The following HDAC9 variants were observed in gnomAD, a reference collection of about 807,000 sequenced individuals.
HDAC9 encodes the protein histone deacetylase 9, also known as MEF-2 interacting transcription repressor (MITR) protein.
A neutral mutation model predicts 139.4 loss-of-function variants in HDAC9; 41 were observed. That is an observed-to-expected ratio of 0.29 (90% CI 0.23 to 0.38). The LOEUF is 0.38. HDAC9 is among the 10% of genes least tolerant of loss of function. The pLI, the probability that HDAC9 is intolerant of heterozygous loss-of-function variation, is 1.00. For synonymous variants in HDAC9, 517 were observed against 476.2 expected, an observed-to-expected ratio of 1.09 and a Z score of -1.12; for missense variants, 1,147 against 1,297.0, an observed-to-expected ratio of 0.88 and a Z score of 1.78.
chr7:18,212,446 A>G (rs1314906417), intron 2 of HDAC9, among the ~76,000 whole-genome samples: 2 of 152,210 alleles, frequency 1.3e-5, no homozygotes, highest in East Asian at 3.8e-4. Flanking sequence ...TGTAGCCAGA[A>G]AATACGGGTG....
At chr7:18,508,240 G>A (rs541356076) in intron 2 of HDAC9, among the ~76,000 whole-genome samples, 1 of 152,198 alleles carries the variant, frequency 6.6e-6, no homozygotes, top group African/African-American at 2.4e-5. Flanking sequence ...GGTAGCTAGG[G>A]TAGTTAAGTG....
chr7:18,189,182 T>G (rs994928110), intron 2 of HDAC9, among the ~76,000 whole-genome samples: 6 of 152,188 alleles, frequency 3.9e-5, no homozygotes, highest in African/African-American at 1.2e-4. Context: ...AATGAGATCA[T>G]GTCCTTTGCA....
rs566433696 is a variant in HDAC9, at chr7:18,582,250, G to A, written c.23-3031G>A. On this transcript the variant is annotated intron_variant, in intron 2 of 25. Coordinates refer to ENST00000686413, the MANE Select transcript of HDAC9 (RefSeq NM_178425.4). ...AGTTACTTATAGTAATAGAGCATTA[G>A]ATGCAATTTGGAAAAATACAGAAAA... 2.0e-5 allele frequency among the ~76,000 whole-genome samples: 3 copies of A among 152,258 alleles called. No homozygotes were observed. The South Asian group carries it at 6.2e-4, about 32-fold the overall frequency.
At chr7:18,826,739 C>G (rs756631272) in intron 17 of HDAC9, among the ~76,000 whole-genome samples, 1 of 146,620 alleles carries the variant, frequency 6.8e-6, no homozygotes, top group Non-Finnish European at 1.5e-5. Flanking sequence ...AACATGAACT[C>G]TAGAGTCAGG....
chr7:18,464,167 G>C (rs2128112774), intron 1 of HDAC9, among the ~76,000 whole-genome samples: 1 of 151,766 alleles, frequency 6.6e-6, no homozygotes, highest in South Asian at 2.1e-4. Flanking sequence ...TTTTCTTTTG[G>C]TTAGTGTTTG....
chr7:18,139,140 T>C (rs1389820093), intron 1 of HDAC9, among the ~76,000 whole-genome samples: 1 of 135,282 alleles, frequency 7.4e-6, no homozygotes, highest in Non-Finnish European at 1.6e-5. Flanking sequence ...TTTTTTTTTT[T>C]TTTGAGACAG....
At chr7:18,590,859 G>GT (rs1830749591) in intron 4 of HDAC9, among the ~76,000 whole-genome samples, 1 of 151,958 alleles carries the variant, frequency 6.6e-6, no homozygotes, top group African/African-American at 2.4e-5. Flanking sequence ...TGCTCTCTAA[G>GT]TAAAGCCTTG....
intron 1 of HDAC9, among the ~76,000 whole-genome samples, chr7:18,361,095 A>T (rs889264469): frequency 2.0e-5 from 3 of 150,258 alleles, no homozygotes; most frequent in Non-Finnish European, 4.4e-5. Context: ...TAGCTAGCAA[A>T]TTTTTTTTTT....
At chr7:18,368,956 T>A (rs565049153) in intron 1 of HDAC9, among the ~76,000 whole-genome samples, 1 of 152,198 alleles carries the variant, frequency 6.6e-6, no homozygotes, top group African/African-American at 2.4e-5. Context: ...TTGTATTCCA[T>A]CTGCTATTAG....
At chr7:18,810,834 C>T (rs1232403972) in intron 17 of HDAC9, among the ~76,000 whole-genome samples, 1 of 151,804 alleles carries the variant, frequency 6.6e-6, no homozygotes, top group Non-Finnish European at 1.5e-5. Flanking sequence ...CATGCTCTTG[C>T]ATGGGAGTTT....
intron 21 of HDAC9, among the ~76,000 whole-genome samples, chr7:18,864,979 G>A (rs1798384773): frequency 2.0e-5 from 3 of 152,176 alleles, no homozygotes; most frequent in Admixed American, 6.5e-5. Flanking sequence ...TTTGACCGTA[G>A]TGTGTCAGGC....
At chr7:18,210,538 T>C (rs79171964) in intron 2 of HDAC9, among the ~76,000 whole-genome samples, 1 of 152,210 alleles carries the variant, frequency 6.6e-6, no homozygotes, top group South Asian at 2.1e-4. Flanking sequence ...TTACCAAGCC[T>C]ATTTTAAAAC....
chr7:18,231,363 G>A (rs776576594), intron 2 of HDAC9, among the ~76,000 whole-genome samples: 1 of 152,122 alleles, frequency 6.6e-6, no homozygotes, highest in Non-Finnish European at 1.5e-5. Context: ...CCACTTTACG[G>A]CGATCAAGCT....
intron 2 of HDAC9, among the ~76,000 whole-genome samples, chr7:18,221,855 G>A (rs575314815): frequency 6.6e-6 from 1 of 152,142 alleles, no homozygotes; most frequent in Non-Finnish European, 1.5e-5. Context: ...AAATTGGGTA[G>A]TGACCTTCCA....
intron 1 of HDAC9, among the ~76,000 whole-genome samples, chr7:18,466,106 G>C (rs1240330672): frequency 6.6e-6 from 1 of 152,204 alleles, no homozygotes; most frequent in Non-Finnish European, 1.5e-5. Flanking sequence ...TCAATTCTTT[G>C]TCTAAGAATG....
intron 22 of HDAC9, among the ~76,000 whole-genome samples, chr7:18,898,353 G>C (rs1801401023): frequency 6.6e-6 from 1 of 151,538 alleles, no homozygotes; most frequent in Admixed American, 6.6e-5. Flanking sequence ...AAGATGAGTG[G>C]TACACAGCCA....
At chr7:18,915,743 G>A (rs930534275) in intron 22 of HDAC9, among the ~76,000 whole-genome samples, 1 of 151,042 alleles carries the variant, frequency 6.6e-6, no homozygotes, top group Non-Finnish European at 1.5e-5. Flanking sequence ...AAATTAAAAC[G>A]AAATAAATAT....
At chr7:18,354,475 C>T (rs17347159) in intron 1 of HDAC9, among the ~76,000 whole-genome samples, 1 of 152,080 alleles carries the variant, frequency 6.6e-6, no homozygotes, top group Admixed American at 6.6e-5. Context: ...AACTAATGTG[C>T]AGATTTAGGC....
chr7:18,337,931 A>T (rs774807085), intron 1 of HDAC9, among the ~76,000 whole-genome samples: 4 of 151,786 alleles, frequency 2.6e-5, no homozygotes, highest in Non-Finnish European at 5.9e-5. Context: ...TAAATGTAAC[A>T]TTATCCTTCT....
Sources: allele counts gnomAD v4.1 joint callset (sites outside exome capture counted in the v4.1 genomes callset), GRCh38; gene constraint gnomAD v4.1.1; transcripts MANE v1.5; gene names NCBI Gene and HGNC (gene_info 2026-07-23, HGNC 2026-07-21).